PC: variants seen among roughly 807,000 people sequenced by gnomAD.
The protein encoded by PC is pyruvate carboxylase.
A neutral mutation model predicts 107.8 loss-of-function variants in PC; 46 were observed. That is an observed-to-expected ratio of 0.43 (90% CI 0.34 to 0.55). The LOEUF (loss-of-function observed/expected upper bound fraction) is 0.55, where lower values mean the gene tolerates loss of function less well. Ranked by LOEUF, PC falls within the 20% of genes least tolerant of loss-of-function variation. PC has a pLI of 0.04. For synonymous variants in PC, 662 were observed against 684.7 expected, an observed-to-expected ratio of 0.97 and a Z score of 0.52; for missense variants, 1,241 against 1,643.1, an observed-to-expected ratio of 0.76 and a Z score of 4.23.
intron 3 of PC, among the ~76,000 whole-genome samples, chr11:66,913,140 G>T (rs1225933929): frequency 6.6e-6 from 1 of 152,050 alleles, no homozygotes; most frequent in Non-Finnish European, 1.5e-5. Flanking sequence ...GGCCTGTGGC[G>T]CCAAAGGCAG....
At chr11:66,952,818 C>T (rs1226782178) in intron 2 of PC, among the ~76,000 whole-genome samples, 1 of 152,214 alleles carries the variant, frequency 6.6e-6, no homozygotes, top group Non-Finnish European at 1.5e-5. Flanking sequence ...GCTGGGATTA[C>T]AGGTGTGAGC....
At chr11:66,882,938 G>A (rs527796912) in intron 3 of PC, among the ~76,000 whole-genome samples, 1 of 152,326 alleles carries the variant, frequency 6.6e-6, no homozygotes, top group Admixed American at 6.5e-5. Context: ...GGGGCAGAAG[G>A]GAGGACGCTG....
At chr11:66,921,987 C>T (rs1328498144) in intron 3 of PC, among the ~76,000 whole-genome samples, 1 of 152,124 alleles carries the variant, frequency 6.6e-6, no homozygotes, top group Non-Finnish European at 1.5e-5. Context: ...GAGTTCTCTC[C>T]CTCACCCCAT....
Position 66,860,364 on chromosome 11 carries a change from C to T in PC, c.1368+3410G>A, listed in dbSNP as rs1204928842. ...CTTTCCTCGGTTCTGGCCTCCAGAC[C>T]AGGGTAAGGGCAGGCCCCTCCAACA... On this transcript the variant is annotated intron_variant, in intron 12 of 22. Coordinates refer to ENST00000393960, the MANE Select transcript of PC (RefSeq NM_001040716.2). The T allele has an allele frequency of 4.9e-6, 5 of 1,017,788 alleles. No individual in the cohort carries two copies. In the East Asian group the frequency reaches 1.3e-4, roughly 26 times the overall value. 63.0% of individuals were successfully genotyped at this position (1,017,788 alleles called of 1,614,324 possible). A position where few individuals can be genotyped will look rare whatever the true frequency, so the allele number is the denominator to read the frequency against.
Position 66,871,731 on chromosome 11 carries a change from C to G in PC, c.277G>C (p.Val93Leu). ...AYLIGRGLAP[V>L]QAYLHIPDII... is the part of the protein sequence containing the mutation. ...TCTGGGATGTGCAGGTAGGCCTGCACGGGGGCCAGGCCGCGGCCGATGAGA... is the reference window on the plus strand; with the variant it reads ...TCTGGGATGTGCAGGTAGGCCTGCAGGGGGGCCAGGCCGCGGCCGATGAGA... The change falls in exon 5 of 23, where the codon GTG becomes CTG. Residue 93 changes from valine (V) to leucine (L), a missense_variant. Physicochemically the swap from Val to Leu is conservative, Grantham distance 32 (BLOSUM62 1). Coordinates refer to ENST00000393960, the MANE Select transcript of PC (RefSeq NM_001040716.2). This position sits in a 1 kb window ranked among gnomAD's most constrained non-coding sequence, Gnocchi z 7.4. 2 of 1,575,992 alleles carry G rather than the reference C, an allele frequency of 1.3e-6. No individual in the cohort carries two copies. Among genetic ancestry groups the G allele is most frequent in the South Asian group, 2.3e-5 (2 of 86,618 alleles).
chr11:66,928,559 C>T (rs892380848), intron 3 of PC, among the ~76,000 whole-genome samples: 2 of 151,916 alleles, frequency 1.3e-5, no homozygotes, highest in Admixed American at 1.3e-4. Context: ...GAGTCTCGCT[C>T]TTGTTGCCCA....
chr11:66,858,561 G>A lies in PC; in HGVS notation c.1369-5178C>T, dbSNP rs1162648844. 2 of 1,533,288 alleles carry A rather than the reference G, an allele frequency of 1.3e-6. No individual in the cohort carries two copies. Among genetic ancestry groups the A allele is most frequent in the South Asian group, 1.2e-5 (1 of 83,874 alleles). 95.0% of individuals were successfully genotyped at this position (1,533,288 alleles called of 1,614,324 possible). A position where few individuals can be genotyped will look rare whatever the true frequency, so the allele number is the denominator to read the frequency against. On this transcript the variant is annotated intron_variant, in intron 12 of 22. Transcript: ENST00000393960. The surrounding 1 kb of genome is among the most constrained non-coding windows in gnomAD (Gnocchi z 5.9). ...CGGCCGCTACTTCTGGGCAGTGCCC[G>A]AGGGCGAGTTCTCCTGTGAGCCGCC...
intron 12 of PC, among the ~76,000 whole-genome samples, chr11:66,861,906 C>G (rs894405328): frequency 6.6e-6 from 1 of 152,118 alleles, no homozygotes; most frequent in African/African-American, 2.4e-5. Context: ...TGCAGAAGCC[C>G]ACCTCTAGCT....
In PC at chr11:66,871,176, G is replaced by A. The variant is rs1946715440; in HGVS notation, c.509C>T (p.Thr170Ile). 3 of 1,613,392 alleles carry A rather than the reference G, an allele frequency of 1.9e-6. No homozygotes were observed. Among genetic ancestry groups the A allele is most frequent in the South Asian group, 2.2e-5 (2 of 91,032 alleles). Residue 170 changes from threonine (T) to isoleucine (I), a missense_variant, in exon 7 of 23, where the codon ACA becomes ATA. This residue lies in a region of PC where 1,143 missense variants were observed against 1,551.9 expected (regional missense o/e 0.74). Transcript: ENST00000393960. This position sits in a 1 kb window ranked among gnomAD's most constrained non-coding sequence, Gnocchi z 7.4. ...IAAGVPVVPG[T>I]DAPITSLHEA... ...ATGCAGGGACGTGATGGGGGCATCT[G>A]TGCCAGGGACAACGGGAACACCTGT...
In PC at chr11:66,866,339, C is replaced by A; in HGVS notation, c.1033G>T (p.Val345Phe). 6.2e-7 allele frequency: 1 copy of A among 1,612,348 alleles called. No homozygotes were observed. Among genetic ancestry groups the A allele is most frequent in the Non-Finnish European group, 8.5e-7 (1 of 1,179,588 alleles). ...VTEEITDVDL[V>F]HAQIHVAEGR... Reference sequence around the variant, plus strand: ...TCAGCCACGTGGATCTGAGCATGGACCAGGTCTACGCTGTAGGGCATTGGG... The same window carrying A: ...TCAGCCACGTGGATCTGAGCATGGAACAGGTCTACGCTGTAGGGCATTGGG... Residue 345 changes from valine to phenylalanine, a missense_variant, in exon 11 of 23, where the codon GTC becomes TTC. Transcript: ENST00000393960. The surrounding 1 kb of genome is among the most constrained non-coding windows in gnomAD (Gnocchi z 5.4).
At chr11:66,905,430 A>G (rs1167215431) in intron 3 of PC, among the ~76,000 whole-genome samples, 1 of 152,210 alleles carries the variant, frequency 6.6e-6, no homozygotes, top group African/African-American at 2.4e-5. Context: ...CAGTGGAGCC[A>G]GTTCAAATCC....
At chr11:66,894,759 C>A (rs1212789055) in intron 3 of PC, among the ~76,000 whole-genome samples, 1 of 152,194 alleles carries the variant, frequency 6.6e-6, no homozygotes, top group Non-Finnish European at 1.5e-5. Flanking sequence ...CAGTGGCTCG[C>A]ACCTGTAATG....
chr11:66,887,025 C>T lies in PC; in HGVS notation c.1-14866G>A, dbSNP rs558059887. On this transcript the variant is annotated intron_variant, in intron 3 of 22. Coordinates refer to ENST00000393960, the MANE Select transcript of PC (RefSeq NM_001040716.2). The stretch of plus-strand genomic sequence containing the variant: ...ATCAGGGCTGGCCCAGGAGGTGAGG[C>T]ATCACATGGCTGTTGGGGAATGTGT... Among the ~76,000 whole-genome samples, 55 of 152,322 alleles carry T rather than the reference C, an allele frequency of 3.6e-4. 1 individual carries two copies. The East Asian group carries it at 9.1e-3, about 25-fold the overall frequency.
Position 66,857,538 on chromosome 11 carries a change from G to T in PC, c.1369-4155C>A. ...CGCCTGGACTCCCCCTTAACTGCTT[G>T]GGAAATGTGACCTTTGCTCTGGGGG... On this transcript the variant is annotated intron_variant, in intron 12 of 22. Transcript: ENST00000393960. This position sits in a 1 kb window ranked among gnomAD's most constrained non-coding sequence, Gnocchi z 7.1. 5.2e-6 allele frequency: 3 copies of T among 578,212 alleles called. No homozygotes were observed. The South Asian group carries it at 7.0e-5, about 14-fold the overall frequency. 35.8% of individuals were successfully genotyped at this position (578,212 alleles called of 1,614,324 possible). A position where few individuals can be genotyped will look rare whatever the true frequency, so the allele number is the denominator to read the frequency against.
chr11:66,888,728 C>T (rs556296513), intron 3 of PC, among the ~76,000 whole-genome samples: 2 of 152,352 alleles, frequency 1.3e-5, no homozygotes, highest in Admixed American at 1.3e-4. Context: ...AAGTTAATGC[C>T]ACCATAGTAG....
intron 3 of PC, among the ~76,000 whole-genome samples, chr11:66,916,173 C>T (rs1034099240): frequency 3.1e-4 from 47 of 152,328 alleles, no homozygotes; most frequent in African/African-American, 1.1e-3. Flanking sequence ...TGTGGTCTTT[C>T]CCTTAGCGTA....
chr11:66,858,541 G>A lies in PC; in HGVS notation c.1369-5158C>T, dbSNP rs138224455. On this transcript the variant is annotated intron_variant, in intron 12 of 22. Transcript: ENST00000393960. The surrounding 1 kb of genome is among the most constrained non-coding windows in gnomAD (Gnocchi z 5.9). ...GCCTCCCCGCCCGGCCTGGCCGGCC[G>A]CTACTTCTGGGCAGTGCCCGAGGGC... 1.8e-5 allele frequency: 27 copies of A among 1,533,738 alleles called. No homozygotes were observed. Among genetic ancestry groups the A allele is most frequent in the East Asian group, 9.8e-5 (4 of 40,852 alleles).
intron 3 of PC, among the ~76,000 whole-genome samples, chr11:66,895,519 C>T (rs977576236): frequency 2.0e-5 from 3 of 152,086 alleles, no homozygotes; most frequent in African/African-American, 7.3e-5. Context: ...CACATTCTCA[C>T]AGAAATAAGA....
In PC at chr11:66,851,036, G is replaced by A. The variant is rs769814576; in HGVS notation, c.2223+4C>T. 2 of 1,612,574 alleles carry A rather than the reference G, an allele frequency of 1.2e-6. No individual in the cohort carries two copies. Among genetic ancestry groups the A allele is most frequent in the South Asian group, 1.1e-5 (1 of 91,086 alleles). ...AGGGAGGGACGGACAAGTGGCCCAG[G>A]CACCTTGATGCACAGGATGTGGGTG... On this transcript the variant is annotated splice_donor_region_variant and intron_variant, in intron 17 of 22. Coordinates refer to ENST00000393960, the MANE Select transcript of PC (RefSeq NM_001040716.2).
Sources: gnomAD v4.1 joint callset for allele counts (sites outside exome capture counted in the v4.1 genomes callset) on GRCh38, gnomAD v4.1.1 for gene constraint, gnomAD v4.1.1 regional missense constraint, Gnocchi (gnomAD v3.1) non-coding constraint, MANE v1.5 for transcripts, NCBI Gene and HGNC (gene_info 2026-07-23, HGNC 2026-07-21) for gene names.